Variants in NID1 observed in about 807,000 individuals in gnomAD.
The protein encoded by NID1 is nidogen 1, also known as nidogen-1.
Under a neutral mutation model 130.6 loss-of-function variants are expected in NID1, and 76 were observed. The observed-to-expected ratio is 0.58, with a 90% CI of 0.48 to 0.70. The LOEUF (loss-of-function observed/expected upper bound fraction) is 0.70. Ranked by LOEUF, NID1 falls within the 30% of genes least tolerant of loss-of-function variation. The pLI, the probability that NID1 is intolerant of heterozygous loss-of-function variation, is 0.00. For missense variants in NID1, 1,517 were observed against 1,664.8 expected (o/e 0.91, Z 1.54); for synonymous variants, 665 against 675.1 (o/e 0.98, Z 0.23).
At chr1:236,061,018 T>G (rs959103818) in intron 1 of NID1, among the ~76,000 whole-genome samples, 21 of 152,200 alleles carry the variant, frequency 1.4e-4, no homozygotes, top group African/African-American at 5.1e-4. Context: ...GAGTTCAGCA[T>G]TTATCTGCCT....
intron 8 of NID1, among the ~76,000 whole-genome samples, chr1:236,024,744 G>C (rs544733454): frequency 3.3e-5 from 5 of 152,130 alleles, no homozygotes; most frequent in African/African-American, 4.8e-5. Flanking sequence ...AATTACACAG[G>C]ACCCCTGAGG....
chr1:235,997,048 G>T (rs867408716), intron 12 of NID1, among the ~76,000 whole-genome samples: 1 of 152,012 alleles, frequency 6.6e-6, no homozygotes, highest in African/African-American at 2.4e-5. Context: ...TGGTCAGGCT[G>T]GTCTTGAACT....
chr1:236,007,284 C>A (rs1311823919), intron 12 of NID1, among the ~76,000 whole-genome samples: 1 of 152,170 alleles, frequency 6.6e-6, no homozygotes, highest in Non-Finnish European at 1.5e-5. Flanking sequence ...ACATTTCTAG[C>A]CCAAGACATT....
intron 4 of NID1, among the ~76,000 whole-genome samples, chr1:236,039,332 GC>G (rs1245273768): frequency 6.6e-6 from 1 of 150,452 alleles, no homozygotes; most frequent in Non-Finnish European, 1.5e-5. Context: ...TCCTTCCTCT[GC>G]CTCCCAAGTA....
intron 7 of NID1, among the ~76,000 whole-genome samples, chr1:236,028,073 T>A (rs1389167121): frequency 1.3e-5 from 2 of 152,214 alleles, no homozygotes; most frequent in Non-Finnish European, 2.9e-5. Flanking sequence ...TTGGCCAAGA[T>A]TTATGATTAA....
intron 15 of NID1, 68 bp downstream of exon 15, chr1:235,985,311 T>G: frequency 6.4e-7 from 1 of 1,565,134 alleles, no homozygotes; most frequent in Non-Finnish European, 8.8e-7. Flanking sequence ...TGTTCTTCTC[T>G]GGCATACATG....
rs35565926 is a variant in NID1 at position 235,979,889 on chromosome 1, C to T, written c.3442G>A (p.Glu1148Lys). The change falls in exon 18 of 20, where the codon GAA becomes AAA. Residue 1148 changes from glutamate (E) to lysine (K), a missense_variant. Around this residue, in one of 3 missense-constraint regions of NID1, gnomAD observed 181 missense variants for 211.3 expected, o/e 0.86. Coordinates refer to ENST00000264187, the MANE Select transcript of NID1 (RefSeq NM_002508.3). This position sits in a 1 kb window ranked among gnomAD's most constrained non-coding sequence, Gnocchi z 4.6. ...ACAGCAAAAGGATACTGGAGCCCTT[C>T]GAGAGCCTTGCGTCTGCTGGGCTGA... ...PSQPSRRKAL[E>K]GLQYPFAVTS... is the part of the protein sequence containing the mutation. 1.1e-3 allele frequency: 1,740 copies of T among 1,614,170 alleles called. 5 individuals are homozygous for T. In the Middle Eastern group the frequency reaches 0.011, roughly 10 times the overall value.
intron 5 of NID1, among the ~76,000 whole-genome samples, chr1:236,036,386 T>C (rs1372420744): frequency 2.6e-5 from 4 of 152,222 alleles, no homozygotes; most frequent in Admixed American, 1.3e-4. Context: ...TGATTTTTTG[T>C]TTTTAGCAAC....
chr1:235,995,050 T>C (rs535794066), intron 12 of NID1, among the ~76,000 whole-genome samples: 1 of 152,348 alleles, frequency 6.6e-6, no homozygotes, highest in East Asian at 1.9e-4. Context: ...ACCTCTAAAC[T>C]GTACAACTCA....
intron 1 of NID1, chr1:236,060,897 G>T (rs1188449980): frequency 6.6e-6 from 1 of 152,148 alleles, no homozygotes; most frequent in Non-Finnish European, 1.5e-5. Context: ...GGAGACACAT[G>T]TTTCTCCTTA....
chr1:236,032,958 A>G (rs1178673153), intron 5 of NID1, among the ~76,000 whole-genome samples: 1 of 152,212 alleles, frequency 6.6e-6, no homozygotes, highest in African/African-American at 2.4e-5. Flanking sequence ...TTTCAGAAGA[A>G]GAAGAATATC....
At chr1:236,049,079 G>T in intron 1 of NID1, 90 bp from the exon 2 acceptor site, 1 of 1,314,274 alleles carries the variant, frequency 7.6e-7, no homozygotes. Context: ...ACTGTCAGCT[G>T]TACCCATGCT....
intron 1 of NID1, chr1:236,064,618 G>A (rs1004846737): frequency 1.9e-6 from 1 of 531,810 alleles, no homozygotes; most frequent in Non-Finnish European, 3.4e-6. Context: ...CCGGGGTCAC[G>A]GCCCGGGGCG....
chr1:236,015,639 C>T (rs1236316951), intron 10 of NID1, among the ~76,000 whole-genome samples: 1 of 117,316 alleles, frequency 8.5e-6, no homozygotes, highest in East Asian at 2.3e-4. Context: ...AATAGCAAAA[C>T]CCTGTCTCAA....
At chr1:235,993,374 CACTGGGTATTT>C (rs1325103409) in intron 13 of NID1, among the ~76,000 whole-genome samples, 8 of 142,858 alleles carry the variant, frequency 5.6e-5, no homozygotes, top group Non-Finnish European at 1.2e-4. Flanking sequence ...TGGCAGGCCC[CACTGGGTATTT>C]ACACCCTACA....
intron 10 of NID1, among the ~76,000 whole-genome samples, chr1:236,015,360 A>G (rs996345620): frequency 6.6e-6 from 1 of 152,080 alleles, no homozygotes; most frequent in Non-Finnish European, 1.5e-5. Context: ...TCCCTCAAAT[A>G]TGTAGGCCGG....
chr1:236,048,673 C>A lies in NID1; in HGVS notation c.525+17G>T, dbSNP rs747513329. 6.2e-7 allele frequency: 1 copy of A among 1,603,760 alleles called. No homozygotes were observed. The highest frequency in any genetic ancestry group is 1.8e-5 in the Admixed American group (1 of 57,034). On this transcript the variant is annotated intron_variant, in intron 2 of 19. Transcript: ENST00000264187. ...ATGTGTCTGATTACCTGCACTTGGA[C>A]CTGGAGGGGAGCTTACCTTGCCTTT...
intron 6 of NID1, among the ~76,000 whole-genome samples, chr1:236,030,277 T>C (rs1659057773): frequency 1.3e-5 from 2 of 152,176 alleles, no homozygotes; most frequent in Admixed American, 1.3e-4. Flanking sequence ...CATGATGGCT[T>C]AGGAACTCCT....
chr1:236,041,071 C>G (rs1659436715), intron 4 of NID1, among the ~76,000 whole-genome samples: 1 of 151,240 alleles, frequency 6.6e-6, no homozygotes. Context: ...TACTGTAAAA[C>G]TTTTTTTTTC....
Sources: gnomAD v4.1 joint callset for allele counts (sites outside exome capture counted in the v4.1 genomes callset) on GRCh38, gnomAD v4.1.1 for gene constraint, gnomAD v4.1.1 regional missense constraint, Gnocchi (gnomAD v3.1) non-coding constraint, MANE v1.5 for transcripts, NCBI Gene and HGNC (gene_info 2026-07-23, HGNC 2026-07-21) for gene names.